The following ZNF469 variants were observed in gnomAD, a reference collection of about 807,000 sequenced individuals.
ZNF469 encodes the protein zinc finger protein 469.
Under a neutral mutation model 1.0 loss-of-function variants are expected in ZNF469, and 1 was observed. The observed-to-expected ratio is 1.00, with a 90% confidence interval of 0.35 to 4.73. The LOEUF is 4.73. Ranked by LOEUF, ZNF469 falls within the 30% of genes most tolerant of loss-of-function variation. ZNF469 has a pLI of 0.16. For synonymous variants in ZNF469, 2,703 were observed against 2,363.4 expected (o/e 1.14, Z -4.17); for missense variants, 6,100 against 5,356.3 (o/e 1.14, Z -4.33).
the ZNF469 span, among the ~76,000 whole-genome samples, chr16:88,308,257 G>A: frequency 1.3e-5 from 2 of 152,172 alleles, no homozygotes; most frequent in African/African-American, 4.8e-5. Flanking sequence ...TTGAAAGTGG[G>A]ATGCGTGAGT....
the ZNF469 span, among the ~76,000 whole-genome samples, chr16:88,101,414 G>A: frequency 6.6e-6 from 1 of 152,190 alleles, no homozygotes; most frequent in Non-Finnish European, 1.5e-5. Flanking sequence ...TCTATTAGCT[G>A]CTGGCTTTGT....
the ZNF469 span, among the ~76,000 whole-genome samples, chr16:88,216,083 A>G: frequency 1.5e-4 from 23 of 152,140 alleles, no homozygotes; most frequent in Non-Finnish European, 2.5e-4. Flanking sequence ...ATTTTCAGAC[A>G]ACAAAGTCTC....
the ZNF469 span, among the ~76,000 whole-genome samples, chr16:88,373,938 G>A: frequency 3.3e-5 from 5 of 152,184 alleles, no homozygotes; most frequent in South Asian, 1.0e-3. Flanking sequence ...AAGAGGCAGA[G>A]GCTGCAGTGA....
intron 1 of ZNF469, among the ~76,000 whole-genome samples, chr16:88,384,169 C>G (rs374380856): frequency 1.3e-5 from 2 of 152,344 alleles, no homozygotes; most frequent in African/African-American, 4.8e-5. Flanking sequence ...GTCCTGAGAT[C>G]CGTGTTAACC....
the ZNF469 span, among the ~76,000 whole-genome samples, chr16:88,244,600 G>T: frequency 6.6e-6 from 1 of 151,678 alleles, no homozygotes; most frequent in East Asian, 1.9e-4. Context: ...TGGATGTGTG[G>T]GTGTCTAGGC....
At chr16:88,233,183 G>A in the ZNF469 span, among the ~76,000 whole-genome samples, 5 of 152,240 alleles carry the variant, frequency 3.3e-5, no homozygotes, top group African/African-American at 1.2e-4. Flanking sequence ...TGGTGAGAAA[G>A]AGGCTGTGGG....
At chr16:88,398,266 C>T (rs190104893) in intron 1 of ZNF469, among the ~76,000 whole-genome samples, 51 of 152,204 alleles carry the variant, frequency 3.4e-4, no homozygotes, top group Non-Finnish European at 4.8e-4. Context: ...CCACAAGCCA[C>T]GGACAAAGGG....
At chr16:88,239,154 G>A in the ZNF469 span, among the ~76,000 whole-genome samples, 65 of 152,272 alleles carry the variant, frequency 4.3e-4, no homozygotes, top group Admixed American at 4.1e-3. Context: ...TGCGGGTGAG[G>A]GAGGTGGGGT....
chr16:88,307,712 C>G, the ZNF469 span, among the ~76,000 whole-genome samples: 7 of 152,278 alleles, frequency 4.6e-5, no homozygotes, highest in African/African-American at 1.7e-4. Flanking sequence ...ATTATTGTTG[C>G]AAGAGTTCTT....
the ZNF469 span, among the ~76,000 whole-genome samples, chr16:88,247,631 AGAGTGAAT>A: frequency 2.7e-5 from 4 of 148,310 alleles, no homozygotes; most frequent in South Asian, 2.2e-4. Flanking sequence ...TGAATGAGTG[AGAGTGAAT>A]GAGTGGATGA....
At chr16:88,152,412 T>C in the ZNF469 span, among the ~76,000 whole-genome samples, 1 of 152,122 alleles carries the variant, frequency 6.6e-6, no homozygotes. The surrounding 1 kb of genome is among the most constrained non-coding windows in gnomAD (Gnocchi z 4.2). Flanking sequence ...TTTCCGTCTA[T>C]GGTGCTGGCC....
intron 1 of ZNF469, among the ~76,000 whole-genome samples, chr16:88,421,222 C>A (rs113496616): frequency 1.4e-3 from 207 of 152,326 alleles, no homozygotes; most frequent in Non-Finnish European, 2.3e-3. Flanking sequence ...CCCCACACCC[C>A]CAGCCAGAGC....
At chr16:88,389,718 C>T (rs1027603265) in intron 1 of ZNF469, among the ~76,000 whole-genome samples, 26 of 152,160 alleles carry the variant, frequency 1.7e-4, no homozygotes, top group African/African-American at 6.3e-4. Flanking sequence ...AGGATTCAAA[C>T]TGGGAATGGG....
chr16:88,316,561 T>TTTTTTTA, the ZNF469 span, among the ~76,000 whole-genome samples: 1 of 148,644 alleles, frequency 6.7e-6, no homozygotes, highest in African/African-American at 2.5e-5. Flanking sequence ...TTTTTTTTTT[T>TTTTTTTA]TTTGAGACAG....
intron 1 of ZNF469, among the ~76,000 whole-genome samples, chr16:88,392,146 C>A (rs1013180748): frequency 6.6e-6 from 1 of 152,226 alleles, no homozygotes; most frequent in African/African-American, 2.4e-5. Flanking sequence ...ATTCTCATTC[C>A]ACCATGTGAT....
the ZNF469 span, among the ~76,000 whole-genome samples, chr16:88,190,787 C>T: frequency 6.6e-6 from 1 of 152,226 alleles, no homozygotes; most frequent in Non-Finnish European, 1.5e-5. Flanking sequence ...TGCAGTCTTA[C>T]TTTCCCACTG....
At chr16:88,132,129 CCCGGCCATACCGAT>C in the ZNF469 span, among the ~76,000 whole-genome samples, 1 of 152,236 alleles carries the variant, frequency 6.6e-6, no homozygotes, top group African/African-American at 2.4e-5. Context: ...TGTCTGTGGC[CCCGGCCATACCGAT>C]GGCTTCAGGT....
Position 88,437,232 on chromosome 16 carries a change from C to G in ZNF469, c.9762C>G (p.Asp3254Glu). 6.5e-7 allele frequency: 1 copy of G among 1,549,258 alleles called. No individual in the cohort carries two copies. Among genetic ancestry groups the G allele is most frequent in the African/African-American group, 1.4e-5 (1 of 73,122 alleles). ...SAGKAAGSPGDPWGQEGEAKK... is the reference protein window; with the variant it reads ...SAGKAAGSPGEPWGQEGEAKK... ...GCAAGGCCGCCGGGAGCCCGGGAGA[C>G]CCGTGGGGGCAAGAGGGAGAAGCCA... Residue 3254 changes from aspartate (D) to glutamate (E), a missense_variant, in exon 3 of 3, where the codon GAC (aspartate) becomes GAG (glutamate). Coordinates refer to ENST00000565624, the MANE Select transcript of ZNF469 (RefSeq NM_001367624.2).
the ZNF469 span, among the ~76,000 whole-genome samples, chr16:88,185,662 C>T: frequency 1.3e-5 from 2 of 151,758 alleles, no homozygotes. Context: ...AGTATATGCA[C>T]ACACTCATGT....
Sources: gnomAD v4.1 joint callset for allele counts (sites outside exome capture counted in the v4.1 genomes callset) on GRCh38, gnomAD v4.1.1 for gene constraint, Gnocchi (gnomAD v3.1) non-coding constraint, MANE v1.5 for transcripts, NCBI Gene and HGNC (gene_info 2026-07-23, HGNC 2026-07-21) for gene names.